Variants in PKHD1 observed in about 807,000 individuals in gnomAD.
PKHD1 encodes PKHD1 ciliary IPT domain containing fibrocystin/polyductin, also known as fibrocystin.
A neutral mutation model predicts 412.0 loss-of-function variants in PKHD1; 291 were observed. That is an observed-to-expected ratio of 0.71 (90% CI 0.64 to 0.78). The LOEUF is 0.78. PKHD1 is among the 30% of genes least tolerant of loss of function. The probability of loss-of-function intolerance (pLI) is 0.00; values close to 1 mark genes in which losing one functional copy is unlikely to be tolerated. For synonymous variants in PKHD1, 1,777 were observed against 1,821.5 expected (o/e 0.98, Z 0.62); for missense variants, 4,825 against 4,950.7 (o/e 0.97, Z 0.76).
At chr6:52,044,413 A>G (rs182430378) in intron 25 of PKHD1, among the ~76,000 whole-genome samples, 1 of 152,330 alleles carries the variant, frequency 6.6e-6, no homozygotes, top group Non-Finnish European at 1.5e-5. Context: ...GGCATGGACA[A>G]TAAAGAACAC....
intron 63 of PKHD1, among the ~76,000 whole-genome samples, chr6:51,646,677 C>T (rs1035409552): frequency 6.6e-6 from 1 of 152,172 alleles, no homozygotes; most frequent in Non-Finnish European, 1.5e-5. Context: ...GTAAATAACA[C>T]CAATATCCAC....
intron 32 of PKHD1, among the ~76,000 whole-genome samples, chr6:52,023,676 G>A (rs909088104): frequency 1.3e-5 from 2 of 152,044 alleles, no homozygotes; most frequent in Admixed American, 1.3e-4. Context: ...GGTCTAGGTG[G>A]TACTTAGCCA....
At chr6:51,661,409 G>A (rs1294354323) in intron 60 of PKHD1, among the ~76,000 whole-genome samples, 5 of 151,950 alleles carry the variant, frequency 3.3e-5, no homozygotes. Context: ...GGAGGGGAAT[G>A]GGTGGAACAG....
intron 37 of PKHD1, among the ~76,000 whole-genome samples, chr6:51,927,057 T>C (rs1785753812): frequency 6.6e-6 from 1 of 152,156 alleles, no homozygotes; most frequent in Non-Finnish European, 1.5e-5. Flanking sequence ...TTAAAGCTCA[T>C]TTAAATTTAA....
At chr6:51,972,502 A>C (rs1793814152) in intron 35 of PKHD1, among the ~76,000 whole-genome samples, 1 of 152,246 alleles carries the variant, frequency 6.6e-6, no homozygotes, top group African/African-American at 2.4e-5. Flanking sequence ...GGTGGGGATG[A>C]AATCTCAATA....
intron 48 of PKHD1, among the ~76,000 whole-genome samples, chr6:51,857,511 C>G (rs927224083): frequency 2.6e-5 from 4 of 152,164 alleles, no homozygotes; most frequent in African/African-American, 9.7e-5. Context: ...GTGTGTAAAC[C>G]TGGGCAAATT....
At position 51,935,560 on chromosome 6, in the gene PKHD1, G is replaced by A. The variant is rs565772075; in HGVS notation, c.5909-1238C>T. On this transcript the variant is annotated intron_variant, in intron 36 of 66. Coordinates refer to ENST00000371117, the MANE Select transcript of PKHD1 (RefSeq NM_138694.4). Reference sequence around the variant, plus strand: ...GTATCTTTATATCAGACACACCAGAGGTCCTCTTTTCTAAATCCAACAATA... The same window carrying A: ...GTATCTTTATATCAGACACACCAGAAGTCCTCTTTTCTAAATCCAACAATA... Among the ~76,000 whole-genome samples the A allele has an allele frequency of 6.6e-5, 10 of 152,258 alleles. No individual in the cohort carries two copies. The South Asian group carries it at 2.1e-3, about 32-fold the overall frequency.
At chr6:51,970,632 G>A (rs956664864) in intron 35 of PKHD1, among the ~76,000 whole-genome samples, 8 of 152,142 alleles carry the variant, frequency 5.3e-5, no homozygotes, top group African/African-American at 1.4e-4. Flanking sequence ...TTTGTATAAG[G>A]TTAAAGATAG....
At chr6:51,893,178 C>T (rs1006737551) in intron 43 of PKHD1, among the ~76,000 whole-genome samples, 1 of 152,190 alleles carries the variant, frequency 6.6e-6, no homozygotes, top group Non-Finnish European at 1.5e-5. Flanking sequence ...AGCTCTATTT[C>T]ATTACCAAGG....
At chr6:51,944,184 C>G (rs1789061306) in intron 36 of PKHD1, among the ~76,000 whole-genome samples, 2 of 152,090 alleles carry the variant, frequency 1.3e-5, no homozygotes, top group Non-Finnish European at 2.9e-5. Context: ...TGTGAAATTC[C>G]TTCTCCTGGC....
In PKHD1 at chr6:51,953,366, C is replaced by T. The variant is rs1484376200; in HGVS notation, c.5908+6504G>A. Among the ~76,000 whole-genome samples, 4 of 151,970 alleles carry T rather than the reference C, an allele frequency of 2.6e-5. No individual in the cohort carries two copies. The East Asian group carries it at 7.7e-4, about 29-fold the overall frequency. On this transcript the variant is annotated intron_variant, in intron 36 of 66. Transcript: ENST00000371117. Reference sequence around the variant, plus strand: ...TGCCTTCCTTCAGATTTTGTTTTATCCTAACTGGTAGCTATGAAGTCTTGA... The same window carrying T: ...TGCCTTCCTTCAGATTTTGTTTTATTCTAACTGGTAGCTATGAAGTCTTGA...
At position 51,896,042 on chromosome 6, in the gene PKHD1, T is replaced by C. The variant is rs181202578; in HGVS notation, c.6996+7555A>G. On this transcript the variant is annotated intron_variant, in intron 43 of 66. Transcript: ENST00000371117. The stretch of plus-strand genomic sequence containing the variant: ...ATGCCCACGGAGTCTCGCTGATTGC[T>C]AGCACAGCAGTCTGAGATCAAACTG... Among the ~76,000 whole-genome samples, 847 of 152,276 alleles carry C rather than the reference T, an allele frequency of 5.6e-3. 5 individuals are homozygous for C. Among genetic ancestry groups the C allele is most frequent in the African/African-American group, 0.018 (738 of 41,560 alleles).
chr6:51,697,972 G>T (rs1778996514), intron 60 of PKHD1, among the ~76,000 whole-genome samples: 1 of 152,184 alleles, frequency 6.6e-6, no homozygotes, highest in Admixed American at 6.5e-5. Context: ...TAGGAGATAG[G>T]AAGTAAGGAA....
chr6:52,079,591 G>A (rs536591697), intron 5 of PKHD1, among the ~76,000 whole-genome samples: 1 of 152,068 alleles, frequency 6.6e-6, no homozygotes, highest in Non-Finnish European at 1.5e-5. Context: ...CTGATGACAT[G>A]GGCAAATTAT....
Position 52,073,535 on chromosome 6 carries a change from A to G in PKHD1, c.455T>C (p.Leu152Pro). The G allele has an allele frequency of 1.9e-6, 3 of 1,592,528 alleles. No individual in the cohort carries two copies. Among genetic ancestry groups the G allele is most frequent in the Non-Finnish European group, 2.6e-6 (3 of 1,160,434 alleles). The change falls in exon 7 of 67, where the codon CTA becomes CCA. Residue 152 changes from leucine to proline, a missense_variant. Coordinates refer to ENST00000371117, the MANE Select transcript of PKHD1 (RefSeq NM_138694.4). Reference sequence around the variant, plus strand: ...GATAATCCAGCCATATACATGTATTAGTTTTCCTGTTTGAAGAAGAATTTT... The same window carrying G: ...GATAATCCAGCCATATACATGTATTGGTTTTCCTGTTTGAAGAAGAATTTT... ...VYPPSGVPGK[L>P]IHVYGWIITG...
chr6:51,690,248 G>A (rs111619152), intron 60 of PKHD1, among the ~76,000 whole-genome samples: 1,937 of 138,054 alleles, frequency 0.014, 55 homozygotes, highest in African/African-American at 0.048. Context: ...CTCCAGCCTG[G>A]GTGACAGAGT....
At position 51,911,862 on chromosome 6, in the gene PKHD1, C is replaced by T. The variant is rs756915122; in HGVS notation, c.6427G>A (p.Gly2143Arg). 1.2e-6 allele frequency: 2 copies of T among 1,612,704 alleles called. No homozygotes were observed. The highest frequency in any genetic ancestry group is 2.2e-5 in the South Asian group (2 of 91,054). ...TTCTCCCTCTCATTAGTGAGATTTC[C>T]TTGTATGGTAATACTCCTGCTGAGC... ...ALLSRSITIQ[G>R]NLTNEREKLL... Residue 2143 changes from glycine (G) to arginine (R), a missense_variant, in exon 39 of 67, where the codon GGA becomes AGA. Physicochemically the swap from Gly to Arg is moderately radical, Grantham distance 125. Coordinates refer to ENST00000371117, the MANE Select transcript of PKHD1 (RefSeq NM_138694.4).
chr6:51,732,101 A>C (rs1330955922), intron 60 of PKHD1, among the ~76,000 whole-genome samples: 4 of 152,186 alleles, frequency 2.6e-5, no homozygotes, highest in African/African-American at 9.6e-5. Context: ...TACATATTAA[A>C]ATGATGATTT....
At chr6:51,757,607 T>C (rs1262880911) in intron 55 of PKHD1, among the ~76,000 whole-genome samples, 5 of 152,132 alleles carry the variant, frequency 3.3e-5, no homozygotes, top group Non-Finnish European at 2.9e-5. Flanking sequence ...CACCATCAAT[T>C]TGACATAAAA....
Sources: gnomAD v4.1 joint callset for allele counts (sites outside exome capture counted in the v4.1 genomes callset) on GRCh38, gnomAD v4.1.1 for gene constraint, MANE v1.5 for transcripts, NCBI Gene and HGNC (gene_info 2026-07-23, HGNC 2026-07-21) for gene names.